The following CCNC variants were observed in gnomAD, a reference collection of about 807,000 sequenced individuals.
CCNC encodes the protein cyclin C, also known as cyclin-C.
In CCNC, 19 loss-of-function variants were observed where a neutral mutation model predicts 50.0. That is an observed-to-expected ratio of 0.38 (90% CI 0.27 to 0.56). CCNC has a LOEUF of 0.56. Among genes scored for constraint, CCNC ranks in the 20% least tolerant of loss-of-function variants. The pLI, the probability that CCNC is intolerant of heterozygous loss-of-function variation, is 0.72. For missense variants in CCNC, 200 were observed against 327.1 expected, an observed-to-expected ratio of 0.61 and a Z score of 3.00; for synonymous variants, 93 against 103.7, an observed-to-expected ratio of 0.90 and a Z score of 0.63.
chr6:99,548,782 GAC>G (rs1802174023), intron 9 of CCNC, among the ~76,000 whole-genome samples: 1 of 140,532 alleles, frequency 7.1e-6, no homozygotes, highest in Non-Finnish European at 1.5e-5. Flanking sequence ...CAGCCTGGGA[GAC>G]AGAGTGAGAC....
intron 1 of CCNC, 190 bp downstream of exon 1, chr6:99,568,306 G>A: frequency 1.7e-6 from 1 of 599,040 alleles, no homozygotes; most frequent in Non-Finnish European, 3.0e-6. Flanking sequence ...TTCCCTCCCC[G>A]AAACTGGGGC....
chr6:99,547,132 G>T (rs1206867999), intron 9 of CCNC, among the ~76,000 whole-genome samples: 2 of 152,062 alleles, frequency 1.3e-5, no homozygotes, highest in Non-Finnish European at 2.9e-5. Flanking sequence ...AATTTCTACT[G>T]AGCAGCCTGT....
chr6:99,558,729 CA>C (rs1802650585), intron 4 of CCNC, among the ~76,000 whole-genome samples, 181 bp from the exon 5 acceptor site: 1 of 152,104 alleles, frequency 6.6e-6, no homozygotes, highest in Non-Finnish European at 1.5e-5. Flanking sequence ...TGCTTAGGAT[CA>C]GAGATTTTTC....
chr6:99,561,294 A>G, intron 4 of CCNC, 73 bp downstream of exon 4: 1 of 905,472 alleles, frequency 1.1e-6, no homozygotes, highest in Non-Finnish European at 1.8e-6. Flanking sequence ...TACATAGGCC[A>G]TGTGAAAACT....
chr6:99,558,851 G>A (rs1802655944), intron 4 of CCNC, among the ~76,000 whole-genome samples: 2 of 152,100 alleles, frequency 1.3e-5, no homozygotes, highest in South Asian at 2.1e-4. Flanking sequence ...CCCTCAAAAC[G>A]TTTCAAATTT....
chr6:99,567,532 T>G (rs992092551), intron 1 of CCNC, among the ~76,000 whole-genome samples: 13 of 152,202 alleles, frequency 8.5e-5, no homozygotes, highest in Non-Finnish European at 1.6e-4. Flanking sequence ...AATAGGTTAC[T>G]GAGTTCATTG....
chr6:99,551,334 T>C (rs1464942217), intron 6 of CCNC, among the ~76,000 whole-genome samples: 2 of 152,158 alleles, frequency 1.3e-5, no homozygotes, highest in Non-Finnish European at 2.9e-5. Context: ...TTTTCCAGTA[T>C]ACTTTCTACT....
intron 1 of CCNC, among the ~76,000 whole-genome samples, chr6:99,564,935 A>C (rs1769056318): frequency 6.6e-6 from 1 of 152,168 alleles, no homozygotes; most frequent in Admixed American, 6.5e-5. Flanking sequence ...CAGAGTATAA[A>C]GCAGGGATCC....
chr6:99,559,343 T>C (rs577472038), intron 4 of CCNC, among the ~76,000 whole-genome samples: 30 of 152,184 alleles, frequency 2.0e-4, no homozygotes, highest in Non-Finnish European at 4.3e-4. Flanking sequence ...ATCCACCTTA[T>C]ATATACTGTT....
intron 5 of CCNC, among the ~76,000 whole-genome samples, chr6:99,555,304 T>C (rs554901958): frequency 1.3e-5 from 2 of 152,318 alleles, no homozygotes; most frequent in East Asian, 3.9e-4. Flanking sequence ...CAGCACCTAC[T>C]TGCTTCTTAA....
At chr6:99,552,066 T>G (rs1016624749) in intron 5 of CCNC, among the ~76,000 whole-genome samples, 171 bp from the exon 6 acceptor site, 1 of 151,932 alleles carries the variant, frequency 6.6e-6, no homozygotes, top group Admixed American at 6.6e-5. Flanking sequence ...GGGGAAAGAC[T>G]GGGGGGCAGG....
intron 1 of CCNC, among the ~76,000 whole-genome samples, chr6:99,565,632 A>G (rs904648062): frequency 3.3e-5 from 5 of 152,026 alleles, no homozygotes; most frequent in African/African-American, 9.6e-5. Flanking sequence ...AATTATCTCA[A>G]TGTTTCACCA....
At chr6:99,556,181 T>A (rs1029194782) in intron 5 of CCNC, among the ~76,000 whole-genome samples, 2 of 152,206 alleles carry the variant, frequency 1.3e-5, no homozygotes, top group Non-Finnish European at 2.9e-5. Context: ...TTTCAGAAGG[T>A]TTTTGTTTTT....
In CCNC at chr6:99,559,110, T is replaced by C. The variant is rs1427062057; in HGVS notation, c.295-562A>G. 2.0e-5 allele frequency among the ~76,000 whole-genome samples: 3 copies of C among 151,906 alleles called. No individual in the cohort carries two copies. In the East Asian group the frequency reaches 5.8e-4, roughly 29 times the overall value. On this transcript the variant is annotated intron_variant, in intron 4 of 11. Transcript: ENST00000520429. The stretch of plus-strand genomic sequence containing the variant: ...TGTTTCCTATTCAATTCAACCTGTA[T>C]TAACAGATACTTCATGCCATTCTAT...
chr6:99,561,492 A>G, intron 3 of CCNC, 56 bp from the exon 4 acceptor site: 5 of 1,399,902 alleles, frequency 3.6e-6, no homozygotes, highest in Middle Eastern at 1.8e-4. Flanking sequence ...ACACTGGGAA[A>G]AAAATCAAGA....
chr6:99,565,272 T>C (rs1769071998), intron 1 of CCNC, among the ~76,000 whole-genome samples: 1 of 152,088 alleles, frequency 6.6e-6, no homozygotes, highest in South Asian at 2.1e-4. Flanking sequence ...AATGACATCT[T>C]ACCAAGAATT....
chr6:99,568,563 GGCGGAGCGGCCC>G lies in CCNC; in HGVS notation c.-48_-37del. On this transcript the variant is annotated 5_prime_UTR_variant, in exon 1 of 12. Coordinates refer to ENST00000520429, the MANE Select transcript of CCNC (RefSeq NM_005190.4). ...TTGCCCTGATAAAAAAGCACCAGCC[GGCGGAGCGGCCC>G]GCGGAGCGACCATAGACCCAGCCCG... 3.1e-6 allele frequency: 5 copies of G among 1,606,428 alleles called. No homozygotes were observed. Among genetic ancestry groups the G allele is most frequent in the Middle Eastern group, 1.7e-4 (1 of 6,056 alleles).
At chr6:99,546,572 C>T in intron 9 of CCNC, 98 bp from the exon 10 acceptor site, 1 of 784,612 alleles carries the variant, frequency 1.3e-6, no homozygotes, top group Non-Finnish European at 2.2e-6. Flanking sequence ...TATTTTCCAA[C>T]ACTCTTTAAA....
chr6:99,560,464 A>G (rs1802731976), intron 4 of CCNC, among the ~76,000 whole-genome samples: 2 of 152,202 alleles, frequency 1.3e-5, no homozygotes, highest in Non-Finnish European at 2.9e-5. Context: ...ACAAAACTAA[A>G]TCAAAGTGGG....
Sources: allele counts gnomAD v4.1 joint callset (sites outside exome capture counted in the v4.1 genomes callset), GRCh38; gene constraint gnomAD v4.1.1; transcripts MANE v1.5; gene names NCBI Gene and HGNC (gene_info 2026-07-23, HGNC 2026-07-21).